Variants in GLYR1 observed in about 807,000 individuals in gnomAD.
GLYR1 encodes glyoxylate reductase 1 homolog.
GLYR1 carries 21 observed loss-of-function variants against 72.7 expected under a neutral mutation model. The ratio of observed to expected loss-of-function variants is 0.29; its 90% CI spans 0.20 to 0.42. The LOEUF is 0.42. GLYR1 is among the 10% of genes least tolerant of loss of function. The pLI is 1.00. For missense variants in GLYR1, 594 were observed against 712.1 expected (o/e 0.83, Z 1.89); for synonymous variants, 392 against 270.2 (o/e 1.45, Z -4.42).
chr16:4,815,224 G>A (rs566186320), intron 10 of GLYR1, among the ~76,000 whole-genome samples: 46 of 151,662 alleles, frequency 3.0e-4, no homozygotes, highest in African/African-American at 1.1e-3. Flanking sequence ...TCCTGCCTCA[G>A]CCTCCTGAAT....
At chr16:4,846,625 C>A (rs956801091) in intron 1 of GLYR1, 1 of 251,614 alleles carries the variant, frequency 4.0e-6, no homozygotes. Context: ...AGGGAGGCGG[C>A]GACAAAGTCT....
intron 3 of GLYR1, among the ~76,000 whole-genome samples, chr16:4,835,572 T>C (rs917262783): frequency 6.6e-6 from 1 of 152,198 alleles, no homozygotes; most frequent in Non-Finnish European, 1.5e-5. Flanking sequence ...GGCTCACACC[T>C]GTAATCCTAG....
intron 3 of GLYR1, among the ~76,000 whole-genome samples, chr16:4,842,460 C>G (rs2085634473): frequency 6.6e-6 from 1 of 151,872 alleles, no homozygotes; most frequent in Admixed American, 6.6e-5. Flanking sequence ...AGCAATCCTC[C>G]TGCCTTAGCC....
rs1412150467 is a variant in GLYR1 at position 4,821,444 on chromosome 16, A to C, written c.742T>G (p.Ser248Ala). 9 of 1,613,912 alleles carry C rather than the reference A, an allele frequency of 5.6e-6. No homozygotes were observed. The highest frequency in any genetic ancestry group is 7.6e-6 in the Non-Finnish European group (9 of 1,180,056). ...KLKICEEETG[S>A]TSIQAADSTA... ...CTGTCAGCTGCCTGGATGGAGGTGG[A>C]GCCAGTTTCCTACGGACAGGAAGCA... Residue 248 changes from serine to alanine, a missense_variant, in exon 9 of 16, where the codon TCC becomes GCC. This residue lies in a region of GLYR1 where 252 missense variants were observed against 211.3 expected (regional missense o/e 1.19). Coordinates refer to ENST00000321919, the MANE Select transcript of GLYR1 (RefSeq NM_032569.4).
At chr16:4,829,637 C>T (rs1407590011) in intron 5 of GLYR1, among the ~76,000 whole-genome samples, 3 of 151,552 alleles carry the variant, frequency 2.0e-5, no homozygotes, top group Admixed American at 6.6e-5. Context: ...CAGGCACACA[C>T]CACCAACCCC....
rs765178339 is a variant in GLYR1, at chr16:4,814,528, G to T, written c.1017+9C>A. On this transcript the variant is annotated intron_variant, in intron 11 of 15. Transcript: ENST00000321919. Reference sequence around the variant, plus strand: ...CCGGAGTTGCTGAGGGGAGGGAGGGGGTCCTTACGTCCTTGGCCGCCTTGG... The same window carrying T: ...CCGGAGTTGCTGAGGGGAGGGAGGGTGTCCTTACGTCCTTGGCCGCCTTGG... 5 of 1,608,456 alleles carry T rather than the reference G, an allele frequency of 3.1e-6. No individual in the cohort carries two copies. The Admixed American group carries it at 5.0e-5, about 16-fold the overall frequency.
At chr16:4,813,873 C>T (rs763860242) in intron 11 of GLYR1, 35 bp from the exon 12 acceptor site, 2 of 1,546,320 alleles carry the variant, frequency 1.3e-6, no homozygotes, top group South Asian at 1.2e-5. Context: ...ATAGCCCAGG[C>T]TCCCGGGCAG....
At chr16:4,824,695 G>C (rs1321795916) in intron 5 of GLYR1, among the ~76,000 whole-genome samples, 1 of 152,038 alleles carries the variant, frequency 6.6e-6, no homozygotes, top group Non-Finnish European at 1.5e-5. Flanking sequence ...GACACAGGAG[G>C]ACATGGTGAG....
chr16:4,829,344 T>C (rs891091365), intron 5 of GLYR1, among the ~76,000 whole-genome samples: 1 of 152,022 alleles, frequency 6.6e-6, no homozygotes, highest in African/African-American at 2.4e-5. Context: ...CTCACACTGT[T>C]GCCCAGGCTG....
At chr16:4,820,775 G>C (rs758836185) in intron 9 of GLYR1, among the ~76,000 whole-genome samples, 19 of 152,348 alleles carry the variant, frequency 1.2e-4, no homozygotes, top group Non-Finnish European at 2.2e-4. Context: ...CTGCGGAGGA[G>C]ACATGCCTAC....
chr16:4,811,102 TAAA>T (rs369808419), intron 15 of GLYR1, 65 bp downstream of exon 15: 3,103 of 1,434,906 alleles, frequency 2.2e-3, no homozygotes, highest in Middle Eastern at 4.2e-3. Flanking sequence ...GAGACTCCGT[TAAA>T]AAAAAAAAAA....
intron 3 of GLYR1, among the ~76,000 whole-genome samples, chr16:4,834,941 G>A (rs1197684405): frequency 6.6e-6 from 1 of 152,136 alleles, no homozygotes; most frequent in Non-Finnish European, 1.5e-5. Flanking sequence ...AGAGCAATCA[G>A]ATGCAAAGTC....
chr16:4,846,622 CG>C (rs1401835497), intron 1 of GLYR1: 1 of 248,886 alleles, frequency 4.0e-6, no homozygotes, highest in Non-Finnish European at 8.1e-6. Context: ...TCGAGGGAGG[CG>C]GCGACAAAGT....
In GLYR1 at chr16:4,803,781, T is replaced by G. The variant is rs1296704487; in HGVS notation, c.*1455A>C. 1 of 152,226 alleles carries G rather than the reference T, an allele frequency of 6.6e-6. No individual in the cohort carries two copies. Among genetic ancestry groups the G allele is most frequent in the Non-Finnish European group, 1.5e-5 (1 of 68,034 alleles). The allele number at this position is 152,226 out of a possible 1,614,324, so 9.4% of individuals were successfully genotyped here. A position where few individuals can be genotyped will look rare whatever the true frequency, so the allele number is the denominator to read the frequency against. On this transcript the variant is annotated 3_prime_UTR_variant, in exon 16 of 16. Coordinates refer to ENST00000321919, the MANE Select transcript of GLYR1 (RefSeq NM_032569.4). ...TGAGGGGGGAAGGACCCCGCCCTAGTGTGGCCACCCTATATATAATTACAT... is the reference window on the plus strand; with the variant it reads ...TGAGGGGGGAAGGACCCCGCCCTAGGGTGGCCACCCTATATATAATTACAT...
rs1567659862 is a variant in GLYR1 at position 4,811,758 on chromosome 16, C to T, written c.1327G>A (p.Val443Ile). 1.2e-6 allele frequency: 2 copies of T among 1,614,016 alleles called. No individual in the cohort carries two copies. The part of the protein sequence containing the change: ...AAKMMLIVNM[V>I]QGSFMATIAE... Reference sequence around the variant, plus strand: ...ATAGTGGCCATGAAGCTCCCTTGGACCATGTTCACGATCAGCATCATCTTG... The same window carrying T: ...ATAGTGGCCATGAAGCTCCCTTGGATCATGTTCACGATCAGCATCATCTTG... The change falls in exon 14 of 16, where the codon GTC becomes ATC. Residue 443 changes from valine to isoleucine, a missense_variant. Val to Ile is a conservative substitution (Grantham distance 29, BLOSUM62 3). Transcript: ENST00000321919.
At chr16:4,835,318 T>C (rs1034024902) in intron 3 of GLYR1, among the ~76,000 whole-genome samples, 26 of 152,200 alleles carry the variant, frequency 1.7e-4, no homozygotes, top group African/African-American at 6.0e-4. Context: ...CTTACAAGGT[T>C]TACTGATTTC....
rs941809870 is a variant in GLYR1, at chr16:4,805,075, G to A, written c.*161C>T. ...CCCTCCCCACCGGCCTCAGGGGAAG[G>A]GTGCTGCTGTGTGCTGTGCTGATGG... On this transcript the variant is annotated 3_prime_UTR_variant, in exon 16 of 16. Coordinates refer to ENST00000321919, the MANE Select transcript of GLYR1 (RefSeq NM_032569.4). 4.6e-6 allele frequency: 3 copies of A among 648,258 alleles called. No individual in the cohort carries two copies. The Admixed American group carries it at 7.2e-5, about 15-fold the overall frequency. 40.2% of individuals were successfully genotyped at this position (648,258 alleles called of 1,614,324 possible). A position where few individuals can be genotyped will look rare whatever the true frequency, so the allele number is the denominator to read the frequency against.
intron 15 of GLYR1, among the ~76,000 whole-genome samples, chr16:4,806,264 G>A (rs2082962173): frequency 1.3e-5 from 2 of 152,196 alleles, no homozygotes; most frequent in African/African-American, 4.8e-5. Flanking sequence ...GAGAAACCCT[G>A]CCTTAAAGGA....
At chr16:4,846,010 A>C (rs2086007831) in intron 2 of GLYR1, among the ~76,000 whole-genome samples, 164 bp downstream of exon 2, 1 of 151,558 alleles carries the variant, frequency 6.6e-6, no homozygotes, top group Non-Finnish European at 1.5e-5. Context: ...TGTATACTGC[A>C]TTGCCTTTTA....
Sources: gnomAD v4.1 joint callset for allele counts (sites outside exome capture counted in the v4.1 genomes callset) on GRCh38, gnomAD v4.1.1 for gene constraint, gnomAD v4.1.1 regional missense constraint, MANE v1.5 for transcripts, NCBI Gene and HGNC (gene_info 2026-07-23, HGNC 2026-07-21) for gene names.